The following BCAM variants were observed in gnomAD, a reference collection of about 807,000 sequenced individuals.
BCAM encodes the protein basal cell adhesion molecule (Lutheran blood group), also known as basal cell adhesion molecule.
Under a neutral mutation model 72.4 loss-of-function variants are expected in BCAM, and 61 were observed. The observed-to-expected ratio is 0.84, with a 90% CI of 0.69 to 1.04. BCAM has a LOEUF of 1.04. BCAM is among the 50% of genes least tolerant of loss of function. BCAM has a pLI of 0.00. For missense variants in BCAM, 909 were observed against 895.0 expected (o/e 1.02, Z -0.20); for synonymous variants, 408 against 384.2 (o/e 1.06, Z -0.73).
At chr19:44,820,570 T>A in intron 13 of BCAM, 135 bp from the exon 14 acceptor site, 73 of 1,153,442 alleles carry the variant, frequency 6.3e-5, no homozygotes, top group Middle Eastern at 3.7e-4. Flanking sequence ...CCCTATGCCA[T>A]CCCCACCCAG....
At position 44,819,556 on chromosome 19, in the gene BCAM, C is replaced by A. The variant is rs28399632; in HGVS notation, c.1619-26C>A. The A allele has an allele frequency of 6.3e-4, 1,018 of 1,612,042 alleles. 11 individuals are homozygous for A. The African/African-American group carries it at 0.012, about 19-fold the overall frequency. On this transcript the variant is annotated intron_variant, in intron 12 of 14. Transcript: ENST00000270233. ...CAGACAGAGCCCACTGCCTGACCCA[C>A]GCCTCTCTCCATCCTGTCCCTGCAG...
rs925122729 is a variant in BCAM, at chr19:44,813,148, G to A, written c.505-102G>A. 14 of 1,338,568 alleles carry A rather than the reference G, an allele frequency of 1.0e-5. No individual in the cohort carries two copies. The African/African-American group carries it at 1.8e-4, about 17-fold the overall frequency. The allele number at this position is 1,338,568 out of a possible 1,614,324, so 82.9% of individuals were successfully genotyped here. ...TGGGTCCTGGGAGAGTCGGGAGTTAGGAGCCCGGCTCATGAGTCTGAGTGG... is the reference window on the plus strand; with the variant it reads ...TGGGTCCTGGGAGAGTCGGGAGTTAAGAGCCCGGCTCATGAGTCTGAGTGG... On this transcript the variant is annotated intron_variant, in intron 4 of 14. Coordinates refer to ENST00000270233, the MANE Select transcript of BCAM (RefSeq NM_005581.5). The surrounding 1 kb of genome is among the most constrained non-coding windows in gnomAD (Gnocchi z 4.2).
chr19:44,809,487 C>T (rs186923147), intron 1 of BCAM, among the ~76,000 whole-genome samples: 251 of 152,160 alleles, frequency 1.6e-3, no homozygotes, highest in Middle Eastern at 3.4e-3. Flanking sequence ...CTGCCTCCTC[C>T]CTCAGACCCT....
In BCAM at chr19:44,813,180, C is replaced by A; in HGVS notation, c.505-70C>A. On this transcript the variant is annotated intron_variant, in intron 4 of 14. Transcript: ENST00000270233. This position sits in a 1 kb window ranked among gnomAD's most constrained non-coding sequence, Gnocchi z 4.2. ...GGCTCATGAGTCTGAGTGGGGAGAA[C>A]TCCTGAGAGAGGAGCCCCGACTTCA... 1 of 1,547,962 alleles carries A rather than the reference C, an allele frequency of 6.5e-7. No individual in the cohort carries two copies. Among genetic ancestry groups the A allele is most frequent in the Non-Finnish European group, 8.8e-7 (1 of 1,131,182 alleles).
In BCAM at chr19:44,812,051, T is replaced by A; in HGVS notation, c.205-112T>A. 9.6e-7 allele frequency: 1 copy of A among 1,046,686 alleles called. No individual in the cohort carries two copies. Among genetic ancestry groups the A allele is most frequent in the South Asian group, 1.4e-5 (1 of 69,222 alleles). The allele number at this position is 1,046,686 out of a possible 1,614,324, so 64.8% of individuals were successfully genotyped here. A position where few individuals can be genotyped will look rare whatever the true frequency, so the allele number is the denominator to read the frequency against. ...GGGACAGAGGGACCAGGGAGACCCA[T>A]AACAAGAGGAAAAGAGGCAGAGCCA... On this transcript the variant is annotated intron_variant, in intron 2 of 14. Coordinates refer to ENST00000270233, the MANE Select transcript of BCAM (RefSeq NM_005581.5). This position sits in a 1 kb window ranked among gnomAD's most constrained non-coding sequence, Gnocchi z 5.3.
chr19:44,815,920 GAGGATC>G (rs1968498241), intron 8 of BCAM, among the ~76,000 whole-genome samples: 1 of 152,130 alleles, frequency 6.6e-6, no homozygotes, highest in African/African-American at 2.4e-5. Context: ...GCCCAGGTGG[GAGGATC>G]CCTTGAGTCT....
chr19:44,820,693 T>A lies in BCAM; in HGVS notation c.1764-12T>A. The A allele has an allele frequency of 1.5e-6, 2 of 1,341,180 alleles. No individual in the cohort carries two copies. Among genetic ancestry groups the A allele is most frequent in the Non-Finnish European group, 9.6e-7 (1 of 1,038,230 alleles). 83.1% of individuals were successfully genotyped at this position (1,341,180 alleles called of 1,614,324 possible). On this transcript the variant is annotated splice_polypyrimidine_tract_variant and intron_variant, in intron 13 of 14. Coordinates refer to ENST00000270233, the MANE Select transcript of BCAM (RefSeq NM_005581.5). The stretch of plus-strand genomic sequence containing the variant: ...CAACACGACGCCTCCGCCCGCTGCC[T>A]CCTCCCCCCAGGCCGCCAGGGGAGC...
Position 44,814,231 on chromosome 19 carries a change from G to T in BCAM, c.864G>T (p.Gln288His). ...GGGTACGCGAGGGTGACACTGTCCAGCTGCTCTGCCGGGGGGACGGCAGCC... is the reference window on the plus strand; with the variant it reads ...GGGTACGCGAGGGTGACACTGTCCATCTGCTCTGCCGGGGGGACGGCAGCC... ...AGWVREGDTV[Q>H]LLCRGDGSPS... is the part of the protein sequence containing the mutation. The change falls in exon 7 of 15, where the codon CAG becomes CAT. Residue 288 changes from glutamine (Q) to histidine (H), a missense_variant. Gln to His is a conservative substitution (Grantham distance 24). Coordinates refer to ENST00000270233, the MANE Select transcript of BCAM (RefSeq NM_005581.5). This position sits in a 1 kb window ranked among gnomAD's most constrained non-coding sequence, Gnocchi z 4.6. The T allele has an allele frequency of 1.3e-6, 2 of 1,589,422 alleles. No homozygotes were observed. The highest frequency in any genetic ancestry group is 8.5e-7 in the Non-Finnish European group (1 of 1,173,804).
chr19:44,817,441 C>A (rs1193269331), intron 8 of BCAM, among the ~76,000 whole-genome samples: 1 of 151,984 alleles, frequency 6.6e-6, no homozygotes, highest in Non-Finnish European at 1.5e-5. Flanking sequence ...CAGGCAGCAT[C>A]TTTTAGGCAC....
chr19:44,819,127 A>G lies in BCAM; in HGVS notation c.1408A>G (p.Thr470Ala). ...DGSWREGDEV[T>A]LICSARGHPD... ...CAGCTGGAGGGAAGGAGACGAAGTC[A>G]CACTCATCTGCTCTGCCCGCGGCCA... The change falls in exon 11 of 15, where the codon ACA (threonine) becomes GCA (alanine). Residue 470 changes from threonine to alanine, a missense_variant. Transcript: ENST00000270233. 6.2e-6 allele frequency: 10 copies of G among 1,614,096 alleles called. No homozygotes were observed. The highest frequency in any genetic ancestry group is 8.5e-6 in the Non-Finnish European group (10 of 1,179,986).
chr19:44,814,612 G>A lies in BCAM; in HGVS notation c.930G>A (p.Gln310=). 6.2e-7 allele frequency: 1 copy of A among 1,613,456 alleles called. No homozygotes were observed. Among genetic ancestry groups the A allele is most frequent in the Non-Finnish European group, 8.5e-7 (1 of 1,179,574 alleles). ...CGTCCCCCGTCTCCCAGGATGAGCA[G>A]GAGGAAGTGCTGAATGTGAATCTCG... ...EYTLFRLQDE[Q]EEVLNVNLEG... is the part of the protein sequence containing the mutation. The change falls in exon 8 of 15, where the codon CAG becomes CAA. Residue 310 remains glutamine, a synonymous_variant. Transcript: ENST00000270233. The surrounding 1 kb of genome is among the most constrained non-coding windows in gnomAD (Gnocchi z 4.6).
rs769689170 is a variant in BCAM, at chr19:44,819,722, G to C, written c.1759G>C (p.Ala587Pro). The C allele has an allele frequency of 6.3e-7, 1 of 1,599,610 alleles. No homozygotes were observed. The highest frequency in any genetic ancestry group is 8.5e-7 in the Non-Finnish European group (1 of 1,174,876). ...PCCRQRREKG[A>P]PPPGEPGLSH... ...CTGCCGCCAGCGGCGGGAGAAGGGGGCTCCGTGAGTGGCCTGCTATCTGCA... is the reference window on the plus strand; with the variant it reads ...CTGCCGCCAGCGGCGGGAGAAGGGGCCTCCGTGAGTGGCCTGCTATCTGCA... The change falls in exon 13 of 15, where the codon GCT (alanine) becomes CCT (proline). Residue 587 changes from alanine to proline, a missense_variant. By Grantham distance (27) the Ala-to-Pro change is conservative. Coordinates refer to ENST00000270233, the MANE Select transcript of BCAM (RefSeq NM_005581.5).
chr19:44,819,030 T>C, intron 10 of BCAM, 26 bp from the exon 11 acceptor site: 1 of 1,611,738 alleles, frequency 6.2e-7, no homozygotes, highest in Non-Finnish European at 8.5e-7. Flanking sequence ...CTCCCTTCAC[T>C]TTCTTCCCAT....
At chr19:44,810,693 A>G (rs1968406403) in intron 1 of BCAM, among the ~76,000 whole-genome samples, 1 of 152,190 alleles carries the variant, frequency 6.6e-6, no homozygotes, top group South Asian at 2.1e-4. Flanking sequence ...CAAATGGCTG[A>G]GCCAGGCCTG....
At chr19:44,820,635 ATCC>A in intron 13 of BCAM, 67 bp from the exon 14 acceptor site, 2 of 864,742 alleles carry the variant, frequency 2.3e-6, no homozygotes, top group South Asian at 7.1e-5. Flanking sequence ...ACCCACCCCC[ATCC>A]TCAGTTCCTC....
At chr19:44,811,541 A>G (rs1968419809) in intron 2 of BCAM, 195 bp downstream of exon 2, 1 of 834,882 alleles carries the variant, frequency 1.2e-6, no homozygotes. Flanking sequence ...CTAGAATGAC[A>G]TTGACCTGCT....
chr19:44,813,457 C>G lies in BCAM; in HGVS notation c.621C>G (p.Arg207=), dbSNP rs1968456769. The G allele has an allele frequency of 6.2e-7, 1 of 1,611,378 alleles. No individual in the cohort carries two copies. Among genetic ancestry groups the G allele is most frequent in the Non-Finnish European group, 8.5e-7 (1 of 1,179,624 alleles). ...EMNPEGYMTS[R]TVREASGLLS... is the part of the protein sequence containing the mutation. ...TCCCAGAGGGCTACATGACCAGCCG[C>G]ACGGTCCGGGAGGCCTCGGGCCTGC... Residue 207 remains arginine (R), a synonymous_variant, in exon 6 of 15, where the codon CGC becomes CGG. Transcript: ENST00000270233. This position sits in a 1 kb window ranked among gnomAD's most constrained non-coding sequence, Gnocchi z 4.2.
intron 8 of BCAM, among the ~76,000 whole-genome samples, chr19:44,817,533 G>A (rs1343885073): frequency 5.9e-5 from 9 of 151,434 alleles, no homozygotes; most frequent in Admixed American, 5.3e-4. Flanking sequence ...TGACCAGTGG[G>A]TGGTTGGTTT....
chr19:44,811,507 C>T (rs1461356788), intron 2 of BCAM, 161 bp downstream of exon 2: 12 of 1,251,816 alleles, frequency 9.6e-6, no homozygotes, highest in Non-Finnish European at 1.3e-5. Flanking sequence ...CTGCAAGGTG[C>T]CCCGTGTCTA....
Sources: gnomAD v4.1 joint callset for allele counts (sites outside exome capture counted in the v4.1 genomes callset) on GRCh38, gnomAD v4.1.1 for gene constraint, Gnocchi (gnomAD v3.1) non-coding constraint, MANE v1.5 for transcripts, NCBI Gene and HGNC (gene_info 2026-07-23, HGNC 2026-07-21) for gene names.